The following SNX13 variants were observed in gnomAD, a reference collection of about 807,000 sequenced individuals.
The protein encoded by SNX13 is sorting nexin 13.
In SNX13, 45 loss-of-function variants were observed where a neutral mutation model predicts 133.6. The ratio of observed to expected loss-of-function variants is 0.34; its 90% CI spans 0.27 to 0.43. The LOEUF (loss-of-function observed/expected upper bound fraction) is 0.43. SNX13 is among the 20% of genes least tolerant of loss of function. The probability of loss-of-function intolerance (pLI) is 1.00; values close to 1 mark genes in which losing one functional copy is unlikely to be tolerated. For synonymous variants in SNX13, 414 were observed against 373.9 expected (o/e 1.11, Z -1.24); for missense variants, 1,032 against 1,145.1 (o/e 0.90, Z 1.43).
intron 9 of SNX13, among the ~76,000 whole-genome samples, chr7:17,862,410 T>G (rs1031505329): frequency 6.6e-6 from 1 of 152,182 alleles, no homozygotes; most frequent in East Asian, 1.9e-4. Context: ...ACTATTTTAT[T>G]ACATAATCCA....
chr7:17,861,641 A>G (rs967239031), intron 9 of SNX13, among the ~76,000 whole-genome samples: 2 of 152,178 alleles, frequency 1.3e-5, no homozygotes, highest in African/African-American at 2.4e-5. Context: ...AAAAGTGAAG[A>G]AAGTCTCAGA....
At chr7:17,871,286 T>C (rs2128349613) in intron 8 of SNX13, among the ~76,000 whole-genome samples, 1 of 152,244 alleles carries the variant, frequency 6.6e-6, no homozygotes, top group Middle Eastern at 3.4e-3. Flanking sequence ...ATCACAGGCG[T>C]GAGCCACCGC....
At chr7:17,925,175 C>CT (rs1201082733) in intron 1 of SNX13, among the ~76,000 whole-genome samples, 1 of 152,150 alleles carries the variant, frequency 6.6e-6, no homozygotes, top group Non-Finnish European at 1.5e-5. Flanking sequence ...TATCATGCCA[C>CT]TGCACTACAG....
At chr7:17,874,675 A>G (rs1293399829) in intron 7 of SNX13, among the ~76,000 whole-genome samples, 3 of 152,226 alleles carry the variant, frequency 2.0e-5, no homozygotes, top group Non-Finnish European at 4.4e-5. Flanking sequence ...AGTTGTTCCT[A>G]TGCTGACACT....
At chr7:17,850,298 A>G in intron 11 of SNX13, 49 bp downstream of exon 11, 3 of 1,280,282 alleles carry the variant, frequency 2.3e-6, no homozygotes, top group East Asian at 5.0e-5. Context: ...TTTAATCCCT[A>G]TAGTATAGTA....
At chr7:17,882,950 CA>C in intron 5 of SNX13, 2 of 392,376 alleles carry the variant, frequency 5.1e-6, no homozygotes, top group Non-Finnish European at 4.4e-6. Flanking sequence ...GACTCTGTCT[CA>C]AAAACAAAAA....
intron 1 of SNX13, among the ~76,000 whole-genome samples, chr7:17,926,858 C>T (rs573923726): frequency 6.6e-5 from 10 of 152,238 alleles, no homozygotes; most frequent in African/African-American, 2.4e-4. Context: ...TGCACTCTAG[C>T]CTGGACGACA....
intron 5 of SNX13, among the ~76,000 whole-genome samples, chr7:17,886,365 C>T (rs914589949): frequency 1.3e-5 from 2 of 151,876 alleles, no homozygotes; most frequent in African/African-American, 4.8e-5. Flanking sequence ...GTCAGGAGTT[C>T]GAGGCCAGCC....
chr7:17,895,328 A>C (rs553121546), intron 2 of SNX13, among the ~76,000 whole-genome samples: 6 of 152,326 alleles, frequency 3.9e-5, no homozygotes, highest in Middle Eastern at 3.4e-3. Context: ...CAAAATAACC[A>C]TAATGCAGTA....
intron 5 of SNX13, chr7:17,889,780 C>T (rs1796430198): frequency 1.3e-5 from 2 of 152,126 alleles, no homozygotes; most frequent in South Asian, 2.1e-4. Context: ...CAGTATATAG[C>T]TGGTTTGTAA....
chr7:17,934,243 T>A (rs990628083), intron 1 of SNX13, among the ~76,000 whole-genome samples: 1 of 152,168 alleles, frequency 6.6e-6, no homozygotes, highest in Non-Finnish European at 1.5e-5. Flanking sequence ...AAATAGAAAG[T>A]CAATTCCAGA....
chr7:17,849,143 C>T (rs960581877), intron 11 of SNX13, among the ~76,000 whole-genome samples: 6 of 152,192 alleles, frequency 3.9e-5, no homozygotes, highest in African/African-American at 1.4e-4. Flanking sequence ...ACTTGAATGT[C>T]AAACAGGGAT....
intron 1 of SNX13, among the ~76,000 whole-genome samples, chr7:17,932,775 T>C (rs1304709027): frequency 6.6e-6 from 1 of 152,252 alleles, no homozygotes; most frequent in South Asian, 2.1e-4. Context: ...CTAGTAGATT[T>C]ACCAGGAGTT....
At chr7:17,797,434 A>T (rs1364433212) in intron 24 of SNX13, among the ~76,000 whole-genome samples, 1 of 151,846 alleles carries the variant, frequency 6.6e-6, no homozygotes, top group African/African-American at 2.4e-5. Flanking sequence ...GTCCTTTCAC[A>T]AGTAAAACAA....
At chr7:17,844,983 A>C (rs905457221) in intron 12 of SNX13, among the ~76,000 whole-genome samples, 1 of 152,152 alleles carries the variant, frequency 6.6e-6, no homozygotes, top group African/African-American at 2.4e-5. Flanking sequence ...GATCAGGAAC[A>C]AGACAAAGAT....
At chr7:17,869,785 C>T (rs1265227534) in intron 8 of SNX13, among the ~76,000 whole-genome samples, 4 of 151,942 alleles carry the variant, frequency 2.6e-5, no homozygotes, top group South Asian at 2.1e-4. Flanking sequence ...ATTGTATTTA[C>T]GTATGTAATT....
chr7:17,818,164 GT>G (rs936140617), intron 18 of SNX13, among the ~76,000 whole-genome samples: 2 of 152,058 alleles, frequency 1.3e-5, no homozygotes, highest in Non-Finnish European at 2.9e-5. Context: ...AACCAAACTT[GT>G]CAATACCTTG....
intron 20 of SNX13, among the ~76,000 whole-genome samples, chr7:17,807,308 A>C (rs1030890780): frequency 3.3e-5 from 5 of 152,102 alleles, no homozygotes; most frequent in Non-Finnish European, 2.9e-5. Flanking sequence ...AGGGGCCCCC[A>C]CTAAGGCTTG....
At position 17,893,341 on chromosome 7, in the gene SNX13, C is replaced by A; in HGVS notation, c.219G>T (p.Gly73=). 6.4e-7 allele frequency: 1 copy of A among 1,570,202 alleles called. No homozygotes were observed. Among genetic ancestry groups the A allele is most frequent in the Non-Finnish European group, 8.7e-7 (1 of 1,155,438 alleles). ...CCCTCAAACGATTTACCTTAGGAAC[C>A]CCAGGTGATGTTGGAGGAAGAAATG... is the stretch of plus-strand genomic sequence containing the variant. The part of the protein sequence containing the change: ...EHSFLPPTSP[G]VPKCLEEMKR... The change falls in exon 3 of 26, where the codon GGG becomes GGT. Residue 73 remains glycine (G), a synonymous_variant. Transcript: ENST00000428135.
Sources: gnomAD v4.1 joint callset for allele counts (sites outside exome capture counted in the v4.1 genomes callset) on GRCh38, gnomAD v4.1.1 for gene constraint, MANE v1.5 for transcripts, NCBI Gene and HGNC (gene_info 2026-07-23, HGNC 2026-07-21) for gene names.